The following RARS2 variants were observed in gnomAD, a reference collection of about 807,000 sequenced individuals.
RARS2 encodes the protein probable arginine--tRNA ligase, mitochondrial.
Under a neutral mutation model 88.5 loss-of-function variants are expected in RARS2, and 67 were observed. The ratio of observed to expected loss-of-function variants is 0.76; its 90% CI spans 0.62 to 0.93. The LOEUF is 0.93. Among genes scored for constraint, RARS2 ranks in the 40% least tolerant of loss-of-function variants. The pLI is 0.00. For missense variants in RARS2, 664 were observed against 684.2 expected, an observed-to-expected ratio of 0.97 and a Z score of 0.33; for synonymous variants, 239 against 230.3, an observed-to-expected ratio of 1.04 and a Z score of -0.34.
At position 87,559,338 on chromosome 6, in the gene RARS2, G is replaced by A. The variant is rs978033980; in HGVS notation, c.297+3364C>T. Reference sequence around the variant, plus strand: ...GGTCTCTAGCCAGGCATGGTGGCGGGCACCTATAATCCCAGCTACTTGGGA... The same window carrying A: ...GGTCTCTAGCCAGGCATGGTGGCGGACACCTATAATCCCAGCTACTTGGGA... On this transcript the variant is annotated intron_variant, in intron 4 of 19. Coordinates refer to ENST00000369536, the MANE Select transcript of RARS2 (RefSeq NM_020320.5). 2.8e-4 allele frequency among the ~76,000 whole-genome samples: 43 copies of A among 151,868 alleles called. 1 individual carries two copies. The highest frequency in any genetic ancestry group is 8.9e-4 in the African/African-American group (37 of 41,496).
intron 1 of RARS2, among the ~76,000 whole-genome samples, chr6:87,580,024 C>G (rs1347738012): frequency 6.6e-6 from 1 of 152,154 alleles, no homozygotes; most frequent in Non-Finnish European, 1.5e-5. Context: ...CAGGTGCGAG[C>G]CACCGCCCCA....
chr6:87,542,967 A>G (rs952489683), intron 7 of RARS2, among the ~76,000 whole-genome samples: 4 of 150,192 alleles, frequency 2.7e-5, no homozygotes, highest in Admixed American at 2.6e-4. Flanking sequence ...AGTATAAAAT[A>G]ATAAAAAAAA....
chr6:87,554,075 T>C (rs981051366), intron 5 of RARS2, among the ~76,000 whole-genome samples: 7 of 152,196 alleles, frequency 4.6e-5, no homozygotes, highest in Non-Finnish European at 8.8e-5. Flanking sequence ...GAGATAATAC[T>C]TCCCATATCA....
intron 4 of RARS2, among the ~76,000 whole-genome samples, chr6:87,560,296 G>A (rs924013194): frequency 3.9e-5 from 6 of 152,112 alleles, no homozygotes; most frequent in Admixed American, 6.5e-5. Flanking sequence ...ATTAAAAAGC[G>A]TGAAATAAAA....
chr6:87,575,067 A>G (rs1313001281), intron 1 of RARS2, among the ~76,000 whole-genome samples: 1 of 92,724 alleles, frequency 1.1e-5, no homozygotes, highest in Non-Finnish European at 2.1e-5. Context: ...AACCAGTCAT[A>G]AGGATAGAGA....
chr6:87,518,385 C>CT, intron 16 of RARS2, 121 bp from the exon 17 acceptor site: 1 of 1,552,734 alleles, frequency 6.4e-7, no homozygotes, highest in South Asian at 1.2e-5. Flanking sequence ...TATCCATACA[C>CT]AGTGGAGGTA....
At chr6:87,531,556 T>C (rs535094069) in intron 8 of RARS2, among the ~76,000 whole-genome samples, 1 of 152,346 alleles carries the variant, frequency 6.6e-6, no homozygotes, top group East Asian at 1.9e-4. Context: ...TGCTTTTGGA[T>C]AGTTAGTATA....
At chr6:87,554,460 TA>T (rs1005143611) in intron 5 of RARS2, among the ~76,000 whole-genome samples, 77 of 152,258 alleles carry the variant, frequency 5.1e-4, no homozygotes, top group African/African-American at 1.8e-3. Flanking sequence ...TCAAATTACT[TA>T]AAAAAATTTT....
chr6:87,518,771 G>T, intron 15 of RARS2, 32 bp from the exon 16 acceptor site: 1 of 1,612,056 alleles, frequency 6.2e-7, no homozygotes. Context: ...TCACTGCTGG[G>T]ATTTGCTCTA....
At chr6:87,579,389 G>C (rs1018862804) in intron 1 of RARS2, among the ~76,000 whole-genome samples, 1 of 152,140 alleles carries the variant, frequency 6.6e-6, no homozygotes, top group Non-Finnish European at 1.5e-5. Context: ...TTCTGCCCCT[G>C]GGTAGCCGTT....
At chr6:87,548,081 A>G (rs976286468) in intron 6 of RARS2, among the ~76,000 whole-genome samples, 2 of 152,176 alleles carry the variant, frequency 1.3e-5, no homozygotes, top group Admixed American at 6.5e-5. Flanking sequence ...TGTCTCTACT[A>G]AAAATACAAA....
intron 2 of RARS2, chr6:87,564,492 A>G (rs1308249481): frequency 2.4e-6 from 1 of 420,754 alleles, no homozygotes; most frequent in African/African-American, 2.0e-5. Flanking sequence ...CCCCATCTCT[A>G]CTAAAAATAC....
At chr6:87,542,336 A>T (rs998866302) in intron 7 of RARS2, among the ~76,000 whole-genome samples, 22 of 152,214 alleles carry the variant, frequency 1.4e-4, no homozygotes, top group African/African-American at 5.3e-4. Flanking sequence ...ACATTTATTA[A>T]GCATCTACTC....
chr6:87,566,104 GA>G (rs1347351913), intron 2 of RARS2, among the ~76,000 whole-genome samples: 1 of 152,070 alleles, frequency 6.6e-6, no homozygotes, highest in Non-Finnish European at 1.5e-5. Context: ...TTGAGCTCAG[GA>G]GTTCAAGACC....
intron 1 of RARS2, among the ~76,000 whole-genome samples, chr6:87,580,011 T>C (rs1772983826): frequency 6.6e-6 from 1 of 152,022 alleles, no homozygotes; most frequent in South Asian, 2.1e-4. Context: ...AGTGCTGGGA[T>C]TACAGGTGCG....
chr6:87,520,878 C>T lies in RARS2; in HGVS notation c.1035+586G>A, dbSNP rs115510648. ...GGTGTGATTATTAAGTGGCTGACCA[C>T]GAGGGAGTTTGTTTTGTGATGGAAC... On this transcript the variant is annotated intron_variant, in intron 12 of 19. Transcript: ENST00000369536. 1.8e-3 allele frequency among the ~76,000 whole-genome samples: 269 copies of T among 152,212 alleles called. 2 individuals are homozygous for T. Among genetic ancestry groups the T allele is most frequent in the African/African-American group, 6.0e-3 (251 of 41,534 alleles).
chr6:87,575,388 T>G (rs1168598358), intron 1 of RARS2, among the ~76,000 whole-genome samples: 1 of 151,948 alleles, frequency 6.6e-6, no homozygotes, highest in South Asian at 2.1e-4. Flanking sequence ...GGAAGAAAAC[T>G]TAATACAAGA....
intron 8 of RARS2, among the ~76,000 whole-genome samples, chr6:87,536,647 AAAAG>A (rs1278826163): frequency 2.0e-5 from 3 of 152,100 alleles, no homozygotes; most frequent in East Asian, 1.9e-4. Context: ...GAAAAAAAAA[AAAAG>A]AAAGAAAAAA....
chr6:87,589,903 C>T lies in RARS2; in HGVS notation c.36+19G>A. 1 of 1,614,208 alleles carries T rather than the reference C, an allele frequency of 6.2e-7. No individual in the cohort carries two copies. The highest frequency in any genetic ancestry group is 8.5e-7 in the Non-Finnish European group (1 of 1,180,032). Reference sequence around the variant, plus strand: ...CCCTAGCTCCTCAGGGACTCCTCTGCGCGCTCCGGGATCCATACCTGGCAA... The same window carrying T: ...CCCTAGCTCCTCAGGGACTCCTCTGTGCGCTCCGGGATCCATACCTGGCAA... On this transcript the variant is annotated intron_variant, in intron 1 of 19. Transcript: ENST00000369536.
Sources: allele counts gnomAD v4.1 joint callset (sites outside exome capture counted in the v4.1 genomes callset), GRCh38; gene constraint gnomAD v4.1.1; transcripts MANE v1.5; gene names NCBI Gene and HGNC (gene_info 2026-07-23, HGNC 2026-07-21).